Variants in SYNE1 observed in about 807,000 individuals in gnomAD.
SYNE1 encodes the protein spectrin repeat containing nuclear envelope protein 1, also known as nesprin-1.
SYNE1 carries 616 observed loss-of-function variants against 1,111.0 expected under a neutral mutation model. The ratio of observed to expected loss-of-function variants is 0.55; its 90% CI spans 0.52 to 0.59. SYNE1 has a LOEUF of 0.59. SYNE1 is among the 20% of genes least tolerant of loss of function. The pLI, the probability that SYNE1 is intolerant of heterozygous loss-of-function variation, is 0.00. For synonymous variants in SYNE1, 3,855 were observed against 3,825.8 expected (o/e 1.01, Z -0.28); for missense variants, 10,006 against 10,417.0 (o/e 0.96, Z 1.72).
At chr6:152,284,417 CAATAGGATCAT>C (rs2153733432) in intron 95 of SYNE1, among the ~76,000 whole-genome samples, 1 of 152,166 alleles carries the variant, frequency 6.6e-6, no homozygotes, top group Admixed American at 6.5e-5. Flanking sequence ...TTCTAGTTTT[CAATAGGATCAT>C]CTGTAATACA....
chr6:152,472,176 G>C lies in SYNE1; in HGVS notation c.1463+125C>G, dbSNP rs1241687940. ...TTCTTAGCATGTCTTATGGGAGCCC[G>C]CTTTCTATTTACCAAAGGTAGGCGC... On this transcript the variant is annotated intron_variant, in intron 15 of 145. Coordinates refer to ENST00000367255, the MANE Select transcript of SYNE1 (RefSeq NM_182961.4). 9.0e-6 allele frequency: 7 copies of C among 777,710 alleles called. 1 individual carries two copies. The Admixed American group carries it at 1.8e-4, about 20-fold the overall frequency. 48.2% of individuals were successfully genotyped at this position (777,710 alleles called of 1,614,324 possible).
At chr6:152,610,529 T>A (rs1308256872) in intron 3 of SYNE1, among the ~76,000 whole-genome samples, 1 of 152,182 alleles carries the variant, frequency 6.6e-6, no homozygotes, top group African/African-American at 2.4e-5. Flanking sequence ...TTGGTGTACC[T>A]GAAAGTGATG....
At chr6:152,319,391 G>A (rs1204343144) in intron 84 of SYNE1, among the ~76,000 whole-genome samples, 1 of 152,140 alleles carries the variant, frequency 6.6e-6, no homozygotes, top group Non-Finnish European at 1.5e-5. Context: ...TTCATAAGAT[G>A]GAAAATCCTC....
intron 32 of SYNE1, among the ~76,000 whole-genome samples, chr6:152,437,033 G>A (rs1370237468): frequency 2.0e-5 from 3 of 152,084 alleles, no homozygotes; most frequent in Middle Eastern, 3.4e-3. Context: ...CAGGCATGAT[G>A]GTGCATGCCT....
intron 122 of SYNE1, 102 bp from the exon 123 acceptor site, chr6:152,213,861 T>C (rs2078027195): frequency 1.3e-6 from 2 of 1,518,638 alleles, no homozygotes; most frequent in Non-Finnish European, 1.8e-6. Flanking sequence ...CAATTCTAAT[T>C]GAACCACCAC....
At chr6:152,423,145 C>T (rs1158648046) in intron 39 of SYNE1, among the ~76,000 whole-genome samples, 1 of 152,190 alleles carries the variant, frequency 6.6e-6, no homozygotes, top group Non-Finnish European at 1.5e-5. Flanking sequence ...TGTGAGGTTT[C>T]ATCTACATAA....
At position 152,218,388 on chromosome 6, in the gene SYNE1, A is replaced by G. The variant is rs944485518; in HGVS notation, c.22060T>C (p.Tyr7354His). The G allele has an allele frequency of 6.2e-7, 1 of 1,613,976 alleles. No individual in the cohort carries two copies. Among genetic ancestry groups the G allele is most frequent in the Non-Finnish European group, 8.5e-7 (1 of 1,179,962 alleles). Residue 7354 changes from tyrosine (Y) to histidine (H), a missense_variant, in exon 121 of 146, where the codon TAT becomes CAT. Tyr to His is a moderately conservative substitution (Grantham distance 83). Coordinates refer to ENST00000367255, the MANE Select transcript of SYNE1 (RefSeq NM_182961.4). ...TCTAAACTCTTGGCAAAGGTTTCAT[A>G]ATCAAGAACTCCAGCCTTTTTTTCC... ...QTSLQAGVLD[Y>H]ETFAKSLEAL...
In SYNE1 at chr6:152,130,867, G is replaced by A. The variant is rs1027483081; in HGVS notation, c.26095-89C>T. 4.5e-6 allele frequency: 6 copies of A among 1,331,836 alleles called. No homozygotes were observed. In the African/African-American group the frequency reaches 7.2e-5, roughly 16 times the overall value. The allele number at this position is 1,331,836 out of a possible 1,614,324, so 82.5% of individuals were successfully genotyped here. On this transcript the variant is annotated intron_variant, in intron 144 of 145. Coordinates refer to ENST00000367255, the MANE Select transcript of SYNE1 (RefSeq NM_182961.4). ...TACTAATGAAAATTAAACTAAAAGT[G>A]CAGCAAAGGAAAAATAAATCAAATG...
intron 76 of SYNE1, among the ~76,000 whole-genome samples, chr6:152,334,844 T>C (rs2096343685): frequency 6.6e-6 from 1 of 152,230 alleles, no homozygotes; most frequent in South Asian, 2.1e-4. Context: ...AGCCTCATTT[T>C]ACCCAGCCCC....
At chr6:152,197,472 C>T (rs751807213) in intron 127 of SYNE1, among the ~76,000 whole-genome samples, 18 of 152,160 alleles carry the variant, frequency 1.2e-4, no homozygotes, top group Non-Finnish European at 2.2e-4. Flanking sequence ...CAGCTATAGC[C>T]TCACAAAGTG....
In SYNE1 at chr6:152,330,496, A is replaced by T. The variant is rs141752799; in HGVS notation, c.14189T>A (p.Val4730Glu). ...TTCTTTTTTCTGGTTCAGTTCATCC[A>T]CCGCCTCCCCAAGGCCCGCCACCTC... ...LDEVAGLGEA[V>E]DELNQKKEGF... The change falls in exon 78 of 146, where the codon GTG becomes GAG. Residue 4730 changes from valine to glutamate, a missense_variant. Val to Glu is a moderately radical substitution (Grantham distance 121). This residue lies in a region of SYNE1 where 4,955 missense variants were observed against 5,017.2 expected (regional missense o/e 0.99). Coordinates refer to ENST00000367255, the MANE Select transcript of SYNE1 (RefSeq NM_182961.4). 6 of 1,613,816 alleles carry T rather than the reference A, an allele frequency of 3.7e-6. No individual in the cohort carries two copies. Among genetic ancestry groups the T allele is most frequent in the Non-Finnish European group, 5.1e-6 (6 of 1,179,996 alleles).
At chr6:152,515,817 A>G (rs1368340505) in intron 6 of SYNE1, among the ~76,000 whole-genome samples, 1 of 152,172 alleles carries the variant, frequency 6.6e-6, no homozygotes. Context: ...GAATCTGTTC[A>G]CCACAGTCAC....
chr6:152,223,781 C>T (rs1033821762), intron 117 of SYNE1, among the ~76,000 whole-genome samples: 4 of 152,180 alleles, frequency 2.6e-5, no homozygotes, highest in Non-Finnish European at 5.9e-5. Flanking sequence ...CTCTTGTTGG[C>T]CTCCCATCCC....
chr6:152,209,741 C>T (rs985003714), intron 124 of SYNE1, among the ~76,000 whole-genome samples: 13 of 148,386 alleles, frequency 8.8e-5, no homozygotes, highest in African/African-American at 1.5e-4. Context: ...AAGAGCAAGA[C>T]GCTGTCTCAA....
At chr6:152,304,812 A>T (rs1332608129) in intron 91 of SYNE1, among the ~76,000 whole-genome samples, 1 of 152,164 alleles carries the variant, frequency 6.6e-6, no homozygotes, top group Non-Finnish European at 1.5e-5. Flanking sequence ...TTGTTTCTTT[A>T]AAAAATGCAA....
chr6:152,444,512 C>G lies in SYNE1; in HGVS notation c.3736G>C (p.Glu1246Gln), dbSNP rs138915528. 1 of 1,613,486 alleles carries G rather than the reference C, an allele frequency of 6.2e-7. No individual in the cohort carries two copies. Among genetic ancestry groups the G allele is most frequent in the Non-Finnish European group, 8.5e-7 (1 of 1,179,778 alleles). Reference sequence around the variant, plus strand: ...TCTTTAGAGCCAGAAATTAATTCTTCGAGAGAATTTTTGACTATTTCTTTG... The same window carrying G: ...TCTTTAGAGCCAGAAATTAATTCTTGGAGAGAATTTTTGACTATTTCTTTG... ...QYKEIVKNSLEELISGSKEVQ... is the reference protein window; with the variant it reads ...QYKEIVKNSLQELISGSKEVQ... The change falls in exon 30 of 146, where the codon GAA (glutamate) becomes CAA (glutamine). Residue 1246 changes from glutamate (E) to glutamine (Q), a missense_variant. Transcript: ENST00000367255.
At chr6:152,140,638 T>C (rs973941099) in intron 139 of SYNE1, among the ~76,000 whole-genome samples, 2 of 151,808 alleles carry the variant, frequency 1.3e-5, no homozygotes, top group African/African-American at 4.8e-5. Flanking sequence ...GAGTCTAGTT[T>C]GGGCAACACA....
At chr6:152,221,315 A>T in intron 118 of SYNE1, 111 bp downstream of exon 118, 1 of 1,354,846 alleles carries the variant, frequency 7.4e-7, no homozygotes, top group Non-Finnish European at 1.0e-6. Context: ...AGAGAAGTTT[A>T]AAGGAATAGA....
At position 152,352,058 on chromosome 6, in the gene SYNE1, TATA is replaced by T; in HGVS notation, c.11546_11548del (p.Leu3849del). On this transcript the variant is annotated inframe_deletion, in exon 70 of 146. Transcript: ENST00000367255. The stretch of plus-strand genomic sequence containing the variant: ...TTTAGATAACTGAGCTTTTTTCTCA[TATA>T]ATTCCATTTTGGGTTCTTCAGGAAC... The T allele has an allele frequency of 6.2e-7, 1 of 1,614,220 alleles. No individual in the cohort carries two copies. Among genetic ancestry groups the T allele is most frequent in the Non-Finnish European group, 8.5e-7 (1 of 1,180,048 alleles).
Sources: allele counts gnomAD v4.1 joint callset (sites outside exome capture counted in the v4.1 genomes callset), GRCh38; gene constraint gnomAD v4.1.1; regional missense constraint gnomAD v4.1.1; transcripts MANE v1.5; gene names NCBI Gene and HGNC (gene_info 2026-07-23, HGNC 2026-07-21).